The following SAMD5 variants were observed in gnomAD, a reference collection of about 807,000 sequenced individuals.
SAMD5 encodes sterile alpha motif domain containing 5.
SAMD5 carries 13 observed loss-of-function variants against 11.3 expected under a neutral mutation model. That is an observed-to-expected ratio of 1.15 (90% CI 0.75 to 1.83). SAMD5 has a LOEUF of 1.83. Ranked by LOEUF, SAMD5 falls within the 40% of genes most tolerant of loss-of-function variation. SAMD5 has a pLI of 0.00. For missense variants in SAMD5, 255 were observed against 239.1 expected (o/e 1.07, Z -0.44); for synonymous variants, 129 against 111.3 (o/e 1.16, Z -1.00).
At chr6:147,607,594 A>G (rs998719499) in intron 1 of SAMD5, among the ~76,000 whole-genome samples, 2 of 152,174 alleles carry the variant, frequency 1.3e-5, no homozygotes, top group African/African-American at 4.8e-5. Flanking sequence ...CCATATGCAG[A>G]AGAATGAAAC....
At chr6:147,645,315 C>A (rs144019093) in intron 1 of SAMD5, among the ~76,000 whole-genome samples, 14 of 152,248 alleles carry the variant, frequency 9.2e-5, no homozygotes, top group African/African-American at 3.1e-4. Flanking sequence ...GTAAGGTAAA[C>A]ATTCCAATCA....
the SAMD5 span, among the ~76,000 whole-genome samples, chr6:147,911,131 G>T: frequency 6.6e-6 from 1 of 152,168 alleles, no homozygotes; most frequent in Admixed American, 6.5e-5. Flanking sequence ...GCTTACAAAG[G>T]GATAAAATTG....
the SAMD5 span, among the ~76,000 whole-genome samples, chr6:147,794,115 C>T: frequency 6.6e-6 from 1 of 151,958 alleles, no homozygotes; most frequent in East Asian, 1.9e-4. Context: ...ATCTGTCTTC[C>T]CAAGGCATTT....
At chr6:147,685,820 C>CTG (rs1791002700) in intron 1 of SAMD5, among the ~76,000 whole-genome samples, 1 of 152,134 alleles carries the variant, frequency 6.6e-6, no homozygotes, top group Admixed American at 6.5e-5. Context: ...GCTTTGCTGT[C>CTG]TGTGCATGCA....
downstream of SAMD5, among the ~76,000 whole-genome samples, chr6:147,570,755 G>A (rs145080459): frequency 1.1e-4 from 17 of 152,236 alleles, no homozygotes; most frequent in East Asian, 3.3e-3. Flanking sequence ...AATATTAGGA[G>A]AAATATGTAC....
chr6:147,875,882 A>G, the SAMD5 span, among the ~76,000 whole-genome samples: 2 of 152,190 alleles, frequency 1.3e-5, no homozygotes, highest in African/African-American at 4.8e-5. Context: ...CATTACAATG[A>G]GTTGTATAAT....
chr6:147,697,025 C>A (rs942352124), intron 1 of SAMD5, among the ~76,000 whole-genome samples: 5 of 152,148 alleles, frequency 3.3e-5, no homozygotes, highest in African/African-American at 4.8e-5. Context: ...TCTGGTGAGG[C>A]CCACTTCCTC....
intron 1 of SAMD5, among the ~76,000 whole-genome samples, chr6:147,612,476 ATCAAGTCTACACT>A (rs1789801850): frequency 6.6e-6 from 1 of 152,180 alleles, no homozygotes; most frequent in Non-Finnish European, 1.5e-5. Context: ...CTTCTGAAGG[ATCAAGTCTACACT>A]TCATTACTTG....
At position 147,567,408 on chromosome 6, in the gene SAMD5, C is replaced by A; in HGVS notation, c.*2952C>A. The A allele has an allele frequency of 2.0e-6, 2 of 984,416 alleles. No homozygotes were observed. Among genetic ancestry groups the A allele is most frequent in the African/African-American group, 1.7e-5 (1 of 57,320 alleles). 61.0% of individuals were successfully genotyped at this position (984,416 alleles called of 1,614,324 possible). On this transcript the variant is annotated 3_prime_UTR_variant, in exon 2 of 2. Coordinates refer to ENST00000367474, the MANE Select transcript of SAMD5 (RefSeq NM_001030060.3). ...AGTTACTCAGATCTGAGTTTAAATT[C>A]TAAAATTATTCTAGTAGTATTTTCC...
chr6:147,606,187 C>G (rs892404858), intron 1 of SAMD5, among the ~76,000 whole-genome samples: 1 of 152,100 alleles, frequency 6.6e-6, no homozygotes, highest in Non-Finnish European at 1.5e-5. Flanking sequence ...GACCCCATGG[C>G]GTGGGTGCAG....
chr6:147,510,771 AAAG>A (rs1330286033), intron 1 of SAMD5, among the ~76,000 whole-genome samples: 1 of 152,206 alleles, frequency 6.6e-6, no homozygotes, highest in Non-Finnish European at 1.5e-5. Context: ...AGGAGGATAC[AAAG>A]AAGGCAGGTT....
At chr6:147,941,415 C>T in the SAMD5 span, among the ~76,000 whole-genome samples, 36 of 152,318 alleles carry the variant, frequency 2.4e-4, no homozygotes, top group East Asian at 6.8e-3. Flanking sequence ...AGCTGGAACC[C>T]TCCCTGGCAC....
At chr6:147,684,536 A>G (rs2128456531) in intron 1 of SAMD5, among the ~76,000 whole-genome samples, 1 of 152,264 alleles carries the variant, frequency 6.6e-6, no homozygotes, top group Non-Finnish European at 1.5e-5. Flanking sequence ...GCTGCTAAAT[A>G]CTTCCAAAGT....
At position 147,717,913 on chromosome 6, in the gene SAMD5, C is replaced by T. The variant is rs116912023; in HGVS notation, c.163-19404C>T. Among the ~76,000 whole-genome samples the T allele has an allele frequency of 3.8e-3, 577 of 152,190 alleles. 2 individuals are homozygous for T. The highest frequency in any genetic ancestry group is 0.011 in the South Asian group (51 of 4,814). Reference sequence around the variant, plus strand: ...AAACTGCCTTCTGATATGCCACCAACAAGATATTCACATTGTTTCCTTTTT... The same window carrying T: ...AAACTGCCTTCTGATATGCCACCAATAAGATATTCACATTGTTTCCTTTTT... On this transcript the variant is annotated intron_variant, in intron 1 of 1. Transcript: ENST00000566741.
chr6:147,562,318 G>A (rs1788963971), intron 1 of SAMD5, among the ~76,000 whole-genome samples: 2 of 152,214 alleles, frequency 1.3e-5, no homozygotes, highest in Admixed American at 1.3e-4. Flanking sequence ...GCATTATAAT[G>A]AGAATGTCTT....
chr6:147,636,116 A>G (rs1317056860), intron 1 of SAMD5, among the ~76,000 whole-genome samples: 1 of 152,186 alleles, frequency 6.6e-6, no homozygotes, highest in Non-Finnish European at 1.5e-5. Context: ...CTTGATGTTT[A>G]GTTTTGAGTC....
chr6:147,554,473 C>T (rs1487179087), intron 1 of SAMD5, among the ~76,000 whole-genome samples: 1 of 152,182 alleles, frequency 6.6e-6, no homozygotes, highest in Non-Finnish European at 1.5e-5. Context: ...GCTTGGTTGC[C>T]AGGAGGCCAC....
chr6:147,536,053 G>A (rs1002264056), intron 1 of SAMD5, among the ~76,000 whole-genome samples: 2 of 151,304 alleles, frequency 1.3e-5, no homozygotes, highest in Non-Finnish European at 2.9e-5. Context: ...GCACGATCTC[G>A]ACTCACTGCA....
At chr6:147,772,706 C>G in the SAMD5 span, among the ~76,000 whole-genome samples, 7 of 152,158 alleles carry the variant, frequency 4.6e-5, no homozygotes, top group Non-Finnish European at 8.8e-5. Context: ...TCCAAATTTT[C>G]TCTTCTTACA....
Sources: gnomAD v4.1 joint callset for allele counts (sites outside exome capture counted in the v4.1 genomes callset) on GRCh38, gnomAD v4.1.1 for gene constraint, MANE v1.5 for transcripts, NCBI Gene and HGNC (gene_info 2026-07-23, HGNC 2026-07-21) for gene names.